PCCA: variants seen among roughly 807,000 people sequenced by gnomAD.
PCCA encodes propionyl-CoA carboxylase subunit alpha, also known as propionyl-CoA carboxylase alpha chain, mitochondrial.
In PCCA, 74 loss-of-function variants were observed where a neutral mutation model predicts 101.3. The ratio of observed to expected loss-of-function variants is 0.73; its 90% confidence interval spans 0.61 to 0.89. PCCA has a LOEUF of 0.89. PCCA is among the 40% of genes least tolerant of loss of function. The pLI is 0.00. For synonymous variants in PCCA, 294 were observed against 313.6 expected (o/e 0.94, Z 0.66); for missense variants, 891 against 907.0 (o/e 0.98, Z 0.23).
intron 6 of PCCA, among the ~76,000 whole-genome samples, chr13:100,164,641 T>G (rs2054848728): frequency 1.3e-5 from 2 of 152,226 alleles, no homozygotes; most frequent in African/African-American, 4.8e-5. Flanking sequence ...TTTATTTTGG[T>G]CCATTTAAAA....
At chr13:100,237,833 A>G (rs1456773096) in intron 8 of PCCA, among the ~76,000 whole-genome samples, 1 of 152,092 alleles carries the variant, frequency 6.6e-6, no homozygotes, top group Non-Finnish European at 1.5e-5. Flanking sequence ...CCACATTTTG[A>G]ATGGTGAATT....
chr13:100,371,921 T>C (rs1359034099), intron 19 of PCCA, among the ~76,000 whole-genome samples: 1 of 152,196 alleles, frequency 6.6e-6, no homozygotes, highest in Non-Finnish European at 1.5e-5. Flanking sequence ...TTCTAAAATA[T>C]TCAGTGGAGA....
At chr13:100,265,104 A>G (rs983174998) in intron 10 of PCCA, among the ~76,000 whole-genome samples, 3 of 152,158 alleles carry the variant, frequency 2.0e-5, no homozygotes, top group Admixed American at 1.3e-4. Flanking sequence ...TGTCAGATGT[A>G]TGTATAGTGT....
At chr13:100,503,346 TG>T (rs1373043359) in intron 21 of PCCA, among the ~76,000 whole-genome samples, 3 of 151,462 alleles carry the variant, frequency 2.0e-5, no homozygotes, top group Non-Finnish European at 4.4e-5. Flanking sequence ...CAAAATTAGT[TG>T]GGTGTGGTGG....
chr13:100,174,303 G>A (rs1362971573), intron 6 of PCCA, among the ~76,000 whole-genome samples: 1 of 151,834 alleles, frequency 6.6e-6, no homozygotes, highest in Non-Finnish European at 1.5e-5. Context: ...GTTCTAAAAA[G>A]CTCGAGTTTC....
chr13:100,359,096 C>CAAAAAAAAAAAAAAA (rs35233154), intron 18 of PCCA, among the ~76,000 whole-genome samples: 1 of 103,754 alleles, frequency 9.6e-6, no homozygotes, highest in Non-Finnish European at 1.8e-5. Flanking sequence ...CAAGACTCCT[C>CAAAAAAAAAAAAAAA]AAAAAAAAAA....
intron 16 of PCCA, among the ~76,000 whole-genome samples, chr13:100,317,706 C>A (rs1187134608): frequency 6.6e-6 from 1 of 152,160 alleles, no homozygotes; most frequent in East Asian, 1.9e-4. Context: ...CCCACCTCAA[C>A]CTCCCTGGTA....
intron 18 of PCCA, among the ~76,000 whole-genome samples, chr13:100,366,595 T>G (rs1359807804): frequency 1.3e-5 from 2 of 152,092 alleles, no homozygotes; most frequent in African/African-American, 4.8e-5. Context: ...TCTTCCCTTC[T>G]TCCTTTCTGC....
At chr13:100,215,195 C>T (rs1299965958) in intron 7 of PCCA, among the ~76,000 whole-genome samples, 1 of 152,188 alleles carries the variant, frequency 6.6e-6, no homozygotes, top group Non-Finnish European at 1.5e-5. Context: ...TTAGATTAGG[C>T]TCTCTGCTGT....
intron 21 of PCCA, among the ~76,000 whole-genome samples, chr13:100,485,982 T>C (rs539030251): frequency 5.9e-5 from 9 of 152,328 alleles, no homozygotes; most frequent in Middle Eastern, 3.4e-3. Flanking sequence ...TTAGTCTACC[T>C]GAGCTCCCCC....
chr13:100,255,586 A>G (rs2062021510), intron 8 of PCCA, among the ~76,000 whole-genome samples: 1 of 152,092 alleles, frequency 6.6e-6, no homozygotes, highest in African/African-American at 2.4e-5. Context: ...TTTTGAGAGG[A>G]TGGGGGTAAG....
intron 21 of PCCA, among the ~76,000 whole-genome samples, chr13:100,457,808 T>G (rs1038689089): frequency 6.6e-6 from 1 of 152,176 alleles, no homozygotes; most frequent in African/African-American, 2.4e-5. Flanking sequence ...TGTGTCACTT[T>G]TGGTCAGAGA....
intron 20 of PCCA, among the ~76,000 whole-genome samples, chr13:100,446,319 C>CG (rs1393912825): frequency 1.3e-5 from 2 of 152,086 alleles, no homozygotes; most frequent in African/African-American, 4.8e-5. Context: ...CATGAGCCAC[C>CG]GCACCCTGCC....
intron 21 of PCCA, among the ~76,000 whole-genome samples, chr13:100,503,072 A>ACTGGAGTTGTCCAGTGGGAGTTGT: frequency 6.6e-6 from 1 of 152,286 alleles, no homozygotes; most frequent in South Asian, 2.1e-4. Context: ...ATACTCTCCC[A>ACTGGAGTTGTCCAGTGGGAGTTGT]CTGGAGTTGT....
At chr13:100,162,180 G>A (rs1409441809) in intron 6 of PCCA, among the ~76,000 whole-genome samples, 7 of 151,686 alleles carry the variant, frequency 4.6e-5, no homozygotes, top group African/African-American at 7.3e-5. Context: ...TGCTTAAGTA[G>A]GACTTACTTT....
chr13:100,395,690 C>G (rs2077011706), intron 19 of PCCA, among the ~76,000 whole-genome samples: 1 of 151,946 alleles, frequency 6.6e-6, no homozygotes, highest in South Asian at 2.1e-4. Flanking sequence ...AGTGGTTCTG[C>G]CTTTGGTACA....
intron 21 of PCCA, among the ~76,000 whole-genome samples, chr13:100,478,826 T>C (rs2083644000): frequency 6.6e-6 from 1 of 152,130 alleles, no homozygotes; most frequent in Non-Finnish European, 1.5e-5. Context: ...TTTTCTACTA[T>C]AAAAAGGAAA....
chr13:100,216,268 A>G (rs2059507991), intron 7 of PCCA, among the ~76,000 whole-genome samples: 1 of 152,210 alleles, frequency 6.6e-6, no homozygotes, highest in African/African-American at 2.4e-5. Context: ...AACAAGCGCA[A>G]GATTGTTGGT....
At chr13:100,499,969 G>T (rs1254673860) in intron 21 of PCCA, among the ~76,000 whole-genome samples, 1 of 152,066 alleles carries the variant, frequency 6.6e-6, no homozygotes, top group Non-Finnish European at 1.5e-5. Flanking sequence ...AGGAATAACA[G>T]ATTCATTTTT....
Sources: allele counts gnomAD v4.1 joint callset (sites outside exome capture counted in the v4.1 genomes callset), GRCh38; gene constraint gnomAD v4.1.1; transcripts MANE v1.5; gene names NCBI Gene and HGNC (gene_info 2026-07-23, HGNC 2026-07-21).